HS2ST1: variants seen among roughly 807,000 people sequenced by gnomAD.
HS2ST1 encodes the protein heparan sulfate 2-O-sulfotransferase 1, also known as 2-O-sulfotransferase.
A neutral mutation model predicts 42.9 loss-of-function variants in HS2ST1; 18 were observed. The observed-to-expected ratio is 0.42, with a 90% CI of 0.29 to 0.62. The LOEUF (loss-of-function observed/expected upper bound fraction) is 0.62, where lower values mean the gene tolerates loss of function less well. Ranked by LOEUF, HS2ST1 falls within the 20% of genes least tolerant of loss-of-function variation. The probability of loss-of-function intolerance (pLI) is 0.21; values close to 1 mark genes in which losing one functional copy is unlikely to be tolerated. For missense variants in HS2ST1, 334 were observed against 433.8 expected (o/e 0.77, Z 2.04); for synonymous variants, 146 against 152.9 (o/e 0.95, Z 0.33).
chr1:87,000,589 G>A (rs1045282276), intron 1 of HS2ST1, among the ~76,000 whole-genome samples: 21 of 152,298 alleles, frequency 1.4e-4, no homozygotes, highest in African/African-American at 4.1e-4. Flanking sequence ...CCAAAAAAAT[G>A]ATCCAAAGAG....
intron 1 of HS2ST1, among the ~76,000 whole-genome samples, chr1:87,006,762 A>G (rs531013510): frequency 7.2e-4 from 110 of 152,218 alleles, no homozygotes; most frequent in African/African-American, 2.6e-3. Context: ...ACATGCTATG[A>G]TTAATCTAAA....
intron 5 of HS2ST1, among the ~76,000 whole-genome samples, chr1:87,103,025 C>T (rs1006814134): frequency 2.6e-5 from 4 of 152,090 alleles, no homozygotes; most frequent in Non-Finnish European, 4.4e-5. Flanking sequence ...CACAAAAACC[C>T]GAAACTCACA....
At position 87,084,197 on chromosome 1, in the gene HS2ST1, C is replaced by T. The variant is rs371490979; in HGVS notation, c.367C>T (p.Arg123Cys). Residue 123 changes from arginine to cysteine, a missense_variant, in exon 3 of 7, where the codon CGC becomes TGC. Physicochemically the swap from Arg to Cys is radical, Grantham distance 180. Transcript: ENST00000370550. The stretch of plus-strand genomic sequence containing the variant: ...TGAATGTGTTCTCCCTTTTTAGGTG[C>T]GCTTTGTAAAGAATATAACTTCCTG... ...NPVMSLQDQVRFVKNITSWKE... is the reference protein window; with the variant it reads ...NPVMSLQDQVCFVKNITSWKE... 35 of 1,578,734 alleles carry T rather than the reference C, an allele frequency of 2.2e-5. No homozygotes were observed. Among genetic ancestry groups the T allele is most frequent in the East Asian group, 6.8e-5 (3 of 44,282 alleles).
chr1:87,000,950 C>CCTG (rs1440117602), intron 1 of HS2ST1, among the ~76,000 whole-genome samples: 2 of 152,104 alleles, frequency 1.3e-5, no homozygotes, highest in African/African-American at 2.4e-5. Flanking sequence ...AAAATTAATG[C>CCTG]CTGCAGTATA....
chr1:86,992,835 C>A (rs1402281399), intron 1 of HS2ST1, among the ~76,000 whole-genome samples: 1 of 152,026 alleles, frequency 6.6e-6, no homozygotes, highest in Non-Finnish European at 1.5e-5. Flanking sequence ...GAAATGAAGA[C>A]CTGAAGTAGC....
intron 1 of HS2ST1, among the ~76,000 whole-genome samples, chr1:86,982,996 C>G (rs1024184325): frequency 2.0e-5 from 3 of 152,192 alleles, no homozygotes; most frequent in African/African-American, 7.2e-5. Flanking sequence ...TCGTCTGCAT[C>G]TGAGACCACC....
intron 1 of HS2ST1, among the ~76,000 whole-genome samples, chr1:87,009,649 G>A (rs1649538737): frequency 6.6e-6 from 1 of 152,144 alleles, no homozygotes; most frequent in South Asian, 2.1e-4. Context: ...GTGTGAATCT[G>A]CTGTGTTCTG....
intron 1 of HS2ST1, among the ~76,000 whole-genome samples, chr1:86,965,104 A>G (rs1241624692): frequency 6.6e-6 from 1 of 152,230 alleles, no homozygotes; most frequent in Non-Finnish European, 1.5e-5. Context: ...TTCAAAAAGG[A>G]TTTTATGCAT....
chr1:87,057,247 G>A (rs1162003960), intron 1 of HS2ST1, among the ~76,000 whole-genome samples: 1 of 152,140 alleles, frequency 6.6e-6, no homozygotes, highest in Non-Finnish European at 1.5e-5. Context: ...GTTGCTAGAT[G>A]TAACCCACAT....
intron 5 of HS2ST1, among the ~76,000 whole-genome samples, chr1:87,099,471 A>G (rs372509709): frequency 2.6e-5 from 4 of 152,338 alleles, no homozygotes; most frequent in Non-Finnish European, 1.5e-5. Context: ...AGTTATCACC[A>G]AGGGGATGGC....
chr1:87,005,675 T>C (rs923351210), intron 1 of HS2ST1, among the ~76,000 whole-genome samples: 2 of 152,186 alleles, frequency 1.3e-5, no homozygotes, highest in African/African-American at 2.4e-5. Context: ...GTGGCATGTT[T>C]AAGAGATTCT....
chr1:86,956,102 A>G (rs1311439005), intron 1 of HS2ST1, among the ~76,000 whole-genome samples: 1 of 152,228 alleles, frequency 6.6e-6, no homozygotes, highest in Non-Finnish European at 1.5e-5. Flanking sequence ...AAGTGAATAT[A>G]TGCACACATG....
Position 86,978,945 on chromosome 1 carries a change from G to C in HS2ST1, c.124+63785G>C, listed in dbSNP as rs540115276. ...AGTGGCATGATCTTGGCTCACTGCA[G>C]CCTCTACCAGGACTCAAGCGATCCT... On this transcript the variant is annotated intron_variant, in intron 1 of 6. Transcript: ENST00000370550. Among the ~76,000 whole-genome samples the C allele has an allele frequency of 3.1e-4, 43 of 140,732 alleles. No homozygotes were observed. In the South Asian group the frequency reaches 8.6e-3, roughly 28 times the overall value. The allele number at this position is 140,732 out of a possible 152,430, so 92.3% of individuals were successfully genotyped here.
intron 1 of HS2ST1, among the ~76,000 whole-genome samples, chr1:86,976,107 A>G (rs559904396): frequency 2.0e-5 from 3 of 152,360 alleles, no homozygotes; most frequent in Non-Finnish European, 4.4e-5. Context: ...TATAGCAGAA[A>G]CATAGTTTGG....
intron 1 of HS2ST1, among the ~76,000 whole-genome samples, chr1:87,015,174 G>A (rs941425505): frequency 1.4e-4 from 22 of 151,832 alleles, no homozygotes; most frequent in African/African-American, 4.8e-4. Context: ...TCAGCCTCCC[G>A]AGTAGCTGGG....
intron 1 of HS2ST1, among the ~76,000 whole-genome samples, chr1:87,004,645 T>A (rs762343145): frequency 6.6e-6 from 1 of 152,196 alleles, no homozygotes; most frequent in Non-Finnish European, 1.5e-5. Context: ...TTGAGTGTAT[T>A]CCCTGAACTA....
intron 2 of HS2ST1, among the ~76,000 whole-genome samples, chr1:87,075,223 G>A (rs1651510467): frequency 7.8e-6 from 1 of 127,910 alleles, no homozygotes; most frequent in Non-Finnish European, 1.5e-5. Flanking sequence ...AGGCTGGAGT[G>A]CAATGGTGCG....
At chr1:87,032,541 C>A (rs1376246764) in intron 1 of HS2ST1, among the ~76,000 whole-genome samples, 2 of 152,078 alleles carry the variant, frequency 1.3e-5, no homozygotes, top group Non-Finnish European at 2.9e-5. Flanking sequence ...ATTATGATTT[C>A]ATTTATAGAA....
intron 1 of HS2ST1, among the ~76,000 whole-genome samples, chr1:86,964,319 T>A (rs1647969586): frequency 6.6e-6 from 1 of 152,088 alleles, no homozygotes; most frequent in Non-Finnish European, 1.5e-5. Context: ...CTAGCCGAGA[T>A]CACGCCACCG....
Sources: gnomAD v4.1 joint callset for allele counts (sites outside exome capture counted in the v4.1 genomes callset) on GRCh38, gnomAD v4.1.1 for gene constraint, MANE v1.5 for transcripts, NCBI Gene and HGNC (gene_info 2026-07-23, HGNC 2026-07-21) for gene names.